The following ATP10B variants were observed in gnomAD, a reference collection of about 807,000 sequenced individuals.
ATP10B encodes the protein phospholipid-transporting ATPase VB.
ATP10B carries 122 observed loss-of-function variants against 141.2 expected under a neutral mutation model. The observed-to-expected ratio is 0.86, with a 90% CI of 0.75 to 1.00. ATP10B has a LOEUF of 1.00. Ranked by LOEUF, ATP10B falls within the 50% of genes least tolerant of loss-of-function variation. The pLI is 0.00. For missense variants in ATP10B, 1,876 were observed against 1,825.3 expected, an observed-to-expected ratio of 1.03 and a Z score of -0.51; for synonymous variants, 685 against 692.0, an observed-to-expected ratio of 0.99 and a Z score of 0.16.
chr5:160,686,634 G>A (rs1282086762), intron 5 of ATP10B, among the ~76,000 whole-genome samples: 1 of 152,134 alleles, frequency 6.6e-6, no homozygotes, highest in Non-Finnish European at 1.5e-5. Context: ...GCTTATGGAT[G>A]AGACTGGAGA....
At position 160,612,900 on chromosome 5, in the gene ATP10B, C is replaced by A. The variant is rs573064385; in HGVS notation, c.2679G>T (p.Leu893=). ...LLGATGIEDR[L]QEGVPDTIAT... ...CAATCGTATCTGGAACTCCTTCCTG[C>A]AGCCGGTCTTCGATCCCAGTGGCTC... is the stretch of plus-strand genomic sequence containing the variant. Residue 893 remains leucine, a synonymous_variant, in exon 18 of 26, where the codon CTG becomes CTT. Transcript: ENST00000327245. 1.9e-6 allele frequency: 3 copies of A among 1,613,594 alleles called. No homozygotes were observed. In the African/African-American group the frequency reaches 4.0e-5, roughly 22 times the overall value.
chr5:160,708,164 C>T (rs1031333134), intron 3 of ATP10B, among the ~76,000 whole-genome samples: 2 of 152,268 alleles, frequency 1.3e-5, no homozygotes, highest in East Asian at 3.9e-4. Context: ...AGGTTGACAA[C>T]CACTGCAACA....
intron 1 of ATP10B, among the ~76,000 whole-genome samples, chr5:160,796,568 G>T (rs1771962222): frequency 8.2e-6 from 1 of 121,506 alleles, no homozygotes; most frequent in Admixed American, 7.9e-5. Flanking sequence ...ACCCCCAGCG[G>T]TAGTATTGTC....
chr5:160,863,598 A>G, the ATP10B span, among the ~76,000 whole-genome samples: 2 of 152,064 alleles, frequency 1.3e-5, no homozygotes, highest in African/African-American at 4.8e-5. Context: ...AGAAGAAAAG[A>G]ACAAAGATCA....
the ATP10B span, among the ~76,000 whole-genome samples, chr5:160,904,133 T>G: frequency 2.4e-4 from 33 of 134,720 alleles, no homozygotes; most frequent in Middle Eastern, 0.014. Context: ...GTGTTTTTTG[T>G]TTTTTTTTTA....
the ATP10B span, among the ~76,000 whole-genome samples, chr5:160,870,638 G>C: frequency 7.2e-5 from 11 of 151,794 alleles, no homozygotes; most frequent in African/African-American, 2.4e-4. Context: ...AAAGATCAGA[G>C]AATGAAATAA....
chr5:160,814,789 A>G (rs920958220), intron 1 of ATP10B, among the ~76,000 whole-genome samples: 7 of 146,756 alleles, frequency 4.8e-5, no homozygotes, highest in Admixed American at 2.1e-4. Flanking sequence ...CTGATCTCTC[A>G]GCAGAAACTC....
At chr5:160,637,855 C>T (rs1222643816) in intron 10 of ATP10B, among the ~76,000 whole-genome samples, 1 of 152,162 alleles carries the variant, frequency 6.6e-6, no homozygotes, top group African/African-American at 2.4e-5. Context: ...AGAAAGGAAA[C>T]TTACAGACAT....
intron 22 of ATP10B, among the ~76,000 whole-genome samples, chr5:160,597,819 A>T (rs1014935898): frequency 1.3e-5 from 2 of 152,178 alleles, no homozygotes; most frequent in Non-Finnish European, 2.9e-5. Flanking sequence ...GCTATCAGAG[A>T]AATGCAAATC....
intron 24 of ATP10B, among the ~76,000 whole-genome samples, chr5:160,578,188 T>A (rs1430828259): frequency 1.3e-5 from 2 of 152,194 alleles, no homozygotes; most frequent in East Asian, 1.9e-4. Flanking sequence ...ATTTTATTTT[T>A]AAAATTAAAA....
intron 1 of ATP10B, among the ~76,000 whole-genome samples, chr5:160,828,714 C>T (rs1238164228): frequency 6.6e-6 from 1 of 151,834 alleles, no homozygotes; most frequent in East Asian, 1.9e-4. Flanking sequence ...TGGGTATGTA[C>T]CCAAAGGACT....
chr5:160,652,442 TTTATTTATTTA>T (rs1760814810), intron 7 of ATP10B, among the ~76,000 whole-genome samples: 1 of 15,920 alleles, frequency 6.3e-5, no homozygotes. Flanking sequence ...TATTTATTTA[TTTATTTATTTA>T]TTTATTTATT....
intron 22 of ATP10B, among the ~76,000 whole-genome samples, chr5:160,597,909 G>A (rs1182671048): frequency 1.3e-5 from 2 of 151,690 alleles, no homozygotes; most frequent in Non-Finnish European, 2.9e-5. Context: ...TGCTGGAGAG[G>A]ATGTGGAGAA....
intron 13 of ATP10B, among the ~76,000 whole-genome samples, chr5:160,625,062 A>G (rs1701163787): frequency 1.3e-5 from 2 of 152,212 alleles, no homozygotes; most frequent in African/African-American, 4.8e-5. Flanking sequence ...CCCTGCAGTA[A>G]CATTATCTAT....
At chr5:160,842,233 T>C (rs544817563) in intron 1 of ATP10B, among the ~76,000 whole-genome samples, 2 of 152,224 alleles carry the variant, frequency 1.3e-5, no homozygotes, top group East Asian at 3.9e-4. Context: ...AAATAACCCA[T>C]GGACCAAAGA....
chr5:160,567,722 C>A (rs6877430), intron 25 of ATP10B, among the ~76,000 whole-genome samples: 22,522 of 151,718 alleles, frequency 0.15, 2,203 homozygotes, highest in African/African-American at 0.26. Context: ...AGGAGTTGGC[C>A]CAAGCAGAGC....
rs139342161 is a variant in ATP10B, at chr5:160,816,782, C to A, written c.-575-30979G>T. 6.9e-3 allele frequency among the ~76,000 whole-genome samples: 1,051 copies of A among 152,286 alleles called. 6 individuals are homozygous for A. Among genetic ancestry groups the A allele is most frequent in the Non-Finnish European group, 0.011 (754 of 68,014 alleles). The stretch of plus-strand genomic sequence containing the variant: ...AATACTGGCAAACCAAATCCAGCAG[C>A]ACATCAAAAAGCTTATCCGCCATGA... On this transcript the variant is annotated intron_variant, in intron 1 of 25. Transcript: ENST00000327245.
rs375581848 is a variant in ATP10B at position 160,632,381 on chromosome 5, G to A, written c.1382-14C>T. On this transcript the variant is annotated splice_polypyrimidine_tract_variant and intron_variant, in intron 12 of 25. Coordinates refer to ENST00000327245, the MANE Select transcript of ATP10B (RefSeq NM_025153.3). ...CCAGTCGCTTAGCTGCAAGAAAGGA[G>A]TCCTGTTATTGCACTAGTTGTACCT... The A allele has an allele frequency of 1.2e-5, 19 of 1,609,016 alleles. No individual in the cohort carries two copies. The highest frequency in any genetic ancestry group is 1.5e-5 in the Non-Finnish European group (18 of 1,175,566).
intron 1 of ATP10B, among the ~76,000 whole-genome samples, chr5:160,831,041 A>T (rs568285686): frequency 6.6e-6 from 1 of 151,844 alleles, no homozygotes; most frequent in South Asian, 2.1e-4. Flanking sequence ...AGACTTTGAA[A>T]TTGGGCAAGC....
Sources: allele counts gnomAD v4.1 joint callset (sites outside exome capture counted in the v4.1 genomes callset), GRCh38; gene constraint gnomAD v4.1.1; transcripts MANE v1.5; gene names NCBI Gene and HGNC (gene_info 2026-07-23, HGNC 2026-07-21).